The following DUSP29 variants were observed in gnomAD, a reference collection of about 807,000 sequenced individuals.
DUSP29 encodes dual specificity phosphatase 29.
DUSP29 carries 12 observed loss-of-function variants against 13.5 expected under a neutral mutation model. The ratio of observed to expected loss-of-function variants is 0.89; its 90% CI spans 0.57 to 1.44. DUSP29 has a LOEUF of 1.44. Among genes scored for constraint, DUSP29 ranks in the 40% most tolerant of loss-of-function variants. DUSP29 has a pLI of 0.00. For missense variants in DUSP29, 308 were observed against 301.1 expected (o/e 1.02, Z -0.17); for synonymous variants, 134 against 128.7 (o/e 1.04, Z -0.28).
In DUSP29 at chr10:75,046,599, C is replaced by T. The variant is rs147631056; in HGVS notation, c.201-2582G>A. Among the ~76,000 whole-genome samples the T allele has an allele frequency of 1.9e-3, 295 of 152,360 alleles. 1 individual carries two copies. The highest frequency in any genetic ancestry group is 6.8e-3 in the African/African-American group (283 of 41,582). Reference sequence around the variant, plus strand: ...GGGAAGGGAATTGAGCATTTGGAAACATTTGCAGACAGCCCATCAGAACTG... The same window carrying T: ...GGGAAGGGAATTGAGCATTTGGAAATATTTGCAGACAGCCCATCAGAACTG... On this transcript the variant is annotated intron_variant, in intron 2 of 3. Transcript: ENST00000338487.
chr10:75,056,702 A>G (rs1589864523), intron 2 of DUSP29, among the ~76,000 whole-genome samples: 1 of 152,044 alleles, frequency 6.6e-6, no homozygotes, highest in South Asian at 2.1e-4. Context: ...ATATGTGTGT[A>G]TATGTTTCCT....
In DUSP29 at chr10:75,058,380, G is replaced by A. The variant is rs753373572; in HGVS notation, c.135C>T (p.Phe45=). The A allele has an allele frequency of 6.2e-7, 1 of 1,614,220 alleles. No individual in the cohort carries two copies. The highest frequency in any genetic ancestry group is 8.5e-7 in the Non-Finnish European group (1 of 1,180,030). Residue 45 remains phenylalanine (F), a synonymous_variant, in exon 2 of 4, where the codon TTC becomes TTT. Coordinates refer to ENST00000338487, the MANE Select transcript of DUSP29 (RefSeq NM_001003892.3). ...GGGTGTACTGGGGACTGCCCTTCCA[G>A]AAGAGCCGCTCCAGCTCAAAGGCTC... is the stretch of plus-strand genomic sequence containing the variant. The part of the protein sequence containing the change: ...TPGAFELERL[F]WKGSPQYTHV...
intron 3 of DUSP29, among the ~76,000 whole-genome samples, chr10:75,041,603 C>T (rs1846585061): frequency 6.6e-6 from 1 of 152,140 alleles, no homozygotes; most frequent in Non-Finnish European, 1.5e-5. Context: ...CGTTTGAGCC[C>T]TGACTTGAAT....
intron 1 of DUSP29, among the ~76,000 whole-genome samples, chr10:75,067,113 C>T (rs1847220805): frequency 6.6e-6 from 1 of 151,680 alleles, no homozygotes; most frequent in Admixed American, 6.6e-5. Context: ...GTGTGTGCCA[C>T]CACACCTGGC....
chr10:75,062,561 A>G (rs1371396620), intron 1 of DUSP29, among the ~76,000 whole-genome samples: 1 of 152,196 alleles, frequency 6.6e-6, no homozygotes, highest in Non-Finnish European at 1.5e-5. Context: ...CCTGGGATCT[A>G]TTATCCTCCA....
At chr10:75,045,844 TCACACCTGTAATCCTAG>T (rs1846695611) in intron 2 of DUSP29, among the ~76,000 whole-genome samples, 1 of 152,170 alleles carries the variant, frequency 6.6e-6, no homozygotes, top group South Asian at 2.1e-4. Flanking sequence ...ACAAGGTGGC[TCACACCTGTAATCCTAG>T]CACTTTGGGG....
Position 75,048,773 on chromosome 10 carries a change from AAAGTGAAATG to A in DUSP29, c.201-4766_201-4757del, listed in dbSNP as rs1419351559. Reference sequence around the variant, plus strand: ...GATCTCGGTTAGTTCACCTGATGGGAAAGTGAAATGAACCGGCCTTCCGGTGTCTTGGGTG... The same window carrying A: ...GATCTCGGTTAGTTCACCTGATGGGAAACCGGCCTTCCGGTGTCTTGGGTG... On this transcript the variant is annotated intron_variant, in intron 2 of 3. Coordinates refer to ENST00000338487, the MANE Select transcript of DUSP29 (RefSeq NM_001003892.3). 9.2e-5 allele frequency among the ~76,000 whole-genome samples: 14 copies of A among 152,284 alleles called. No individual in the cohort carries two copies. In the South Asian group the frequency reaches 2.9e-3, roughly 32 times the overall value.
intron 2 of DUSP29, among the ~76,000 whole-genome samples, chr10:75,044,423 A>G (rs1846660678): frequency 6.6e-6 from 1 of 151,984 alleles, no homozygotes; most frequent in Non-Finnish European, 1.5e-5. Context: ...AACCTGCTGG[A>G]TGTTTTTAGG....
At chr10:75,056,766 C>G (rs1225552067) in intron 2 of DUSP29, among the ~76,000 whole-genome samples, 2 of 152,094 alleles carry the variant, frequency 1.3e-5, no homozygotes, top group African/African-American at 4.8e-5. Flanking sequence ...AAATTTAACA[C>G]TGGTTAGTCA....
chr10:75,059,939 A>G (rs1018131430), intron 1 of DUSP29, among the ~76,000 whole-genome samples: 5 of 151,086 alleles, frequency 3.3e-5, no homozygotes, highest in Non-Finnish European at 7.4e-5. Context: ...CGGGCAGATC[A>G]CCTGAGGTCA....
chr10:75,061,803 G>C (rs1847094472), intron 1 of DUSP29, among the ~76,000 whole-genome samples: 1 of 152,204 alleles, frequency 6.6e-6, no homozygotes, highest in South Asian at 2.1e-4. Context: ...CGTAAGAGGT[G>C]CTCAGGAGAT....
intron 1 of DUSP29, among the ~76,000 whole-genome samples, chr10:75,063,714 A>C (rs1378330073): frequency 6.6e-6 from 1 of 151,926 alleles, no homozygotes; most frequent in East Asian, 1.9e-4. Context: ...CACCTCTCAA[A>C]TAAACAACAT....
chr10:75,046,036 A>G (rs1435943016), intron 2 of DUSP29, among the ~76,000 whole-genome samples: 1 of 151,990 alleles, frequency 6.6e-6, no homozygotes, highest in African/African-American at 2.4e-5. Flanking sequence ...GGATCACCTG[A>G]GCTCAGGGAG....
intron 1 of DUSP29, among the ~76,000 whole-genome samples, chr10:75,064,427 G>C (rs1229874248): frequency 6.6e-6 from 1 of 152,214 alleles, no homozygotes; most frequent in Non-Finnish European, 1.5e-5. Flanking sequence ...AGAATTGCTT[G>C]AACCTGGGAG....
Position 75,058,567 on chromosome 10 carries a change from C to G in DUSP29, c.-34-19G>C. Reference sequence around the variant, plus strand: ...TCTGCAGCTGGTTATGAGAGAGAAGCAGGATGGGGGTTAGCAGGGGACACT... The same window carrying G: ...TCTGCAGCTGGTTATGAGAGAGAAGGAGGATGGGGGTTAGCAGGGGACACT... On this transcript the variant is annotated intron_variant, in intron 1 of 3. Coordinates refer to ENST00000338487, the MANE Select transcript of DUSP29 (RefSeq NM_001003892.3). 1 of 1,599,700 alleles carries G rather than the reference C, an allele frequency of 6.3e-7. No individual in the cohort carries two copies. The highest frequency in any genetic ancestry group is 8.5e-7 in the Non-Finnish European group (1 of 1,171,700).
chr10:75,062,239 C>T (rs1022597241), intron 1 of DUSP29, among the ~76,000 whole-genome samples: 2 of 152,168 alleles, frequency 1.3e-5, no homozygotes, highest in African/African-American at 2.4e-5. Context: ...TCTTCTTGTT[C>T]GAAGTGAGTA....
intron 1 of DUSP29, among the ~76,000 whole-genome samples, chr10:75,073,116 G>A (rs1425894799): frequency 6.6e-6 from 1 of 152,068 alleles, no homozygotes; most frequent in African/African-American, 2.4e-5. Context: ...GACACAGGGA[G>A]AATTCTCATC....
intron 3 of DUSP29, among the ~76,000 whole-genome samples, chr10:75,042,375 A>C (rs572340082): frequency 6.6e-6 from 1 of 152,368 alleles, no homozygotes; most frequent in Non-Finnish European, 1.5e-5. Flanking sequence ...AGGTTGTTGC[A>C]GTCTTTGTTT....
intron 1 of DUSP29, among the ~76,000 whole-genome samples, chr10:75,072,841 C>T (rs950250706): frequency 6.6e-6 from 1 of 152,074 alleles, no homozygotes; most frequent in Non-Finnish European, 1.5e-5. Flanking sequence ...ACAAGGGCAC[C>T]AGGGTCTAAT....
Sources: allele counts gnomAD v4.1 joint callset (sites outside exome capture counted in the v4.1 genomes callset), GRCh38; gene constraint gnomAD v4.1.1; transcripts MANE v1.5; gene names NCBI Gene and HGNC (gene_info 2026-07-23, HGNC 2026-07-21).